The following KIF27 variants were observed in gnomAD, a reference collection of about 807,000 sequenced individuals.
The protein encoded by KIF27 is kinesin family member 27.
A neutral mutation model predicts 141.8 loss-of-function variants in KIF27; 84 were observed. The observed-to-expected ratio is 0.59, with a 90% confidence interval of 0.50 to 0.71. KIF27 has a LOEUF of 0.71. KIF27 is among the 30% of genes least tolerant of loss of function. The pLI is 0.00. For missense variants in KIF27, 1,306 were observed against 1,628.4 expected, an observed-to-expected ratio of 0.80 and a Z score of 3.41; for synonymous variants, 471 against 569.5, an observed-to-expected ratio of 0.83 and a Z score of 2.46.
At chr9:83,842,182 A>C (rs991965077) in intron 17 of KIF27, 55 bp downstream of exon 17, 6 of 1,451,720 alleles carry the variant, frequency 4.1e-6, no homozygotes, top group Non-Finnish European at 4.5e-6. Context: ...AGCTGGCATG[A>C]CTTCACCAAA....
Position 83,884,007 on chromosome 9 carries a change from T to C in KIF27, c.2251A>G (p.Lys751Glu), listed in dbSNP as rs1588155591. ...AAAGAATACTGCTTGCTTACAGACT[T>C]GGCATCATTACCTTAACCGTAATAA... ...KELIKTGNDA[K>E]SVSKQYSLKV... Residue 751 changes from lysine (K) to glutamate (E), a missense_variant, in exon 10 of 18, where the codon AAG (lysine) becomes GAG (glutamate). Around this residue, in one of 4 missense-constraint regions of KIF27, gnomAD observed 596 missense variants for 751.6 expected, o/e 0.79. Transcript: ENST00000297814. The C allele has an allele frequency of 6.2e-7, 1 of 1,605,396 alleles. No homozygotes were observed. Among genetic ancestry groups the C allele is most frequent in the Non-Finnish European group, 8.5e-7 (1 of 1,174,156 alleles).
At chr9:83,868,818 G>A (rs934681408) in intron 12 of KIF27, among the ~76,000 whole-genome samples, 5 of 152,040 alleles carry the variant, frequency 3.3e-5, no homozygotes, top group Non-Finnish European at 5.9e-5. Context: ...ATAGCTATTC[G>A]GTCTTCCAAT....
At chr9:83,899,269 C>T (rs1953597257) in intron 5 of KIF27, among the ~76,000 whole-genome samples, 1 of 152,054 alleles carries the variant, frequency 6.6e-6, no homozygotes, top group African/African-American at 2.4e-5. Flanking sequence ...AGTTAAAAAG[C>T]AAATCACTCA....
In KIF27 at chr9:83,848,329, A is replaced by G. The variant is rs1469492865; in HGVS notation, c.3556+1770T>C. ...TATATGATATATCATATATCTATAT[A>G]TCTATATATATCTATGTATCTATAT... On this transcript the variant is annotated intron_variant, in intron 16 of 17. Coordinates refer to ENST00000297814, the MANE Select transcript of KIF27 (RefSeq NM_017576.4). Among the ~76,000 whole-genome samples, 2 of 93,528 alleles carry G rather than the reference A, an allele frequency of 2.1e-5. 1 individual carries two copies. Among genetic ancestry groups the G allele is most frequent in the African/African-American group, 9.0e-5 (2 of 22,162 alleles). 61.4% of individuals were successfully genotyped at this position (93,528 alleles called of 152,430 possible). A position where few individuals can be genotyped will look rare whatever the true frequency, so the allele number is the denominator to read the frequency against.
At chr9:83,904,874 G>C (rs1050273143) in intron 3 of KIF27, among the ~76,000 whole-genome samples, 1 of 151,336 alleles carries the variant, frequency 6.6e-6, no homozygotes, top group African/African-American at 2.4e-5. Flanking sequence ...AATAAAGTTG[G>C]TTATTCATTT....
chr9:83,883,792 C>T, intron 10 of KIF27, 21 bp downstream of exon 10: 3 of 1,552,536 alleles, frequency 1.9e-6, no homozygotes, highest in Non-Finnish European at 2.7e-6. Flanking sequence ...TAAGTTTTCT[C>T]AATTACATTT....
chr9:83,839,126 G>A (rs1480831480), intron 17 of KIF27, among the ~76,000 whole-genome samples: 5 of 151,916 alleles, frequency 3.3e-5, no homozygotes, highest in East Asian at 1.9e-4. Context: ...TACCACTACC[G>A]GTAGCTCCAG....
Position 83,903,716 on chromosome 9 carries a change from T to C in KIF27, c.802A>G (p.Asn268Asp), listed in dbSNP as rs376710039. Reference sequence around the variant, plus strand: ...TTTCCTAAAGCCAGCAATCCACTATTGATTTGAATGGATTCTTTGAACCGT... The same window carrying C: ...TTTCCTAAAGCCAGCAATCCACTATCGATTTGAATGGATTCTTTGAACCGT... Reference protein sequence around the residue: ...GERFKESIQINSGLLALGNVI... With the variant: ...GERFKESIQIDSGLLALGNVI... Residue 268 changes from asparagine to aspartate, a missense_variant, in exon 4 of 18, where the codon AAT becomes GAT. Physicochemically the swap from Asn to Asp is conservative, Grantham distance 23 (BLOSUM62 1). This residue lies in a region of KIF27 where 533 missense variants were observed against 565.6 expected (regional missense o/e 0.94). Coordinates refer to ENST00000297814, the MANE Select transcript of KIF27 (RefSeq NM_017576.4). 6.2e-7 allele frequency: 1 copy of C among 1,614,020 alleles called. No homozygotes were observed. Among genetic ancestry groups the C allele is most frequent in the African/African-American group, 1.3e-5 (1 of 74,908 alleles).
chr9:83,888,961 CAA>C, intron 7 of KIF27, 121 bp downstream of exon 7: 2 of 1,206,902 alleles, frequency 1.7e-6, no homozygotes, highest in Non-Finnish European at 2.2e-6. Context: ...GTACTTTTAG[CAA>C]AAGTTACCTA....
chr9:83,892,364 C>T (rs1414665565), intron 5 of KIF27, among the ~76,000 whole-genome samples: 2 of 151,786 alleles, frequency 1.3e-5, no homozygotes, highest in African/African-American at 4.8e-5. Context: ...TCTTACATTG[C>T]CTGGGAAAAG....
At chr9:83,906,115 C>T (rs1358114768) in intron 3 of KIF27, among the ~76,000 whole-genome samples, 1 of 152,076 alleles carries the variant, frequency 6.6e-6, no homozygotes, top group African/African-American at 2.4e-5. Flanking sequence ...AAGATGAAAA[C>T]ATTCAATAAT....
rs1216871377 is a variant in KIF27, at chr9:83,888,224, G to A, written c.2083+265C>T. Among the ~76,000 whole-genome samples, 3 of 149,008 alleles carry A rather than the reference G, an allele frequency of 2.0e-5. No homozygotes were observed. The Admixed American group carries it at 2.0e-4, about 10-fold the overall frequency. On this transcript the variant is annotated intron_variant, in intron 8 of 17. Transcript: ENST00000297814. ...CAGGAATACAAAGCATATCAATTCA[G>A]GTCTGAATATAAAAATCCTTATTCT...
chr9:83,905,120 T>G (rs1954368737), intron 3 of KIF27, among the ~76,000 whole-genome samples: 2 of 151,748 alleles, frequency 1.3e-5, no homozygotes, highest in Admixed American at 1.3e-4. Flanking sequence ...CAAAAATATT[T>G]CTTTTTTTTT....
intron 3 of KIF27, 80 bp downstream of exon 3, chr9:83,908,372 A>G: frequency 1.4e-6 from 1 of 727,384 alleles, no homozygotes; most frequent in Non-Finnish European, 2.2e-6. Flanking sequence ...GATTCCTTGG[A>G]ATATATCCAG....
At chr9:83,889,982 T>C (rs529087602) in intron 6 of KIF27, among the ~76,000 whole-genome samples, 3 of 152,326 alleles carry the variant, frequency 2.0e-5, no homozygotes, top group Admixed American at 6.5e-5. Context: ...CTGGTTTCTA[T>C]TACAAAATAT....
chr9:83,885,853 G>A (rs1162061469), intron 9 of KIF27, among the ~76,000 whole-genome samples: 2 of 151,870 alleles, frequency 1.3e-5, no homozygotes, highest in African/African-American at 4.8e-5. Context: ...ATAAAATATA[G>A]TATAGATGTC....
chr9:83,865,313 T>C (rs1445694047), intron 13 of KIF27, among the ~76,000 whole-genome samples: 2 of 152,170 alleles, frequency 1.3e-5, no homozygotes, highest in Admixed American at 6.6e-5. Flanking sequence ...ACCCTTTTTT[T>C]TGAGATGGAG....
At position 83,859,208 on chromosome 9, in the gene KIF27, C is replaced by T. The variant is rs144855861; in HGVS notation, c.3098G>A (p.Arg1033His). Residue 1033 changes from arginine to histidine, a missense_variant, in exon 14 of 18, where the codon CGC (arginine) becomes CAC (histidine). This residue lies in a region of KIF27 where 596 missense variants were observed against 751.6 expected (regional missense o/e 0.79). Transcript: ENST00000297814. ...AAGTTTTTCATCCACATTGTGTCTG[C>T]GTTTCTGGAGCTGATCCTTTTCTTT... ...LQKEKDQLQK[R>H]RHNVDEKLKN... The T allele has an allele frequency of 7.4e-5, 119 of 1,614,006 alleles. 1 individual carries two copies. Among genetic ancestry groups the T allele is most frequent in the Middle Eastern group, 4.9e-4 (3 of 6,084 alleles).
chr9:83,885,922 C>A lies in KIF27; in HGVS notation c.2239+1119G>T, dbSNP rs1474738214. Among the ~76,000 whole-genome samples, 17 of 149,160 alleles carry A rather than the reference C, an allele frequency of 1.1e-4. 1 individual carries two copies. The highest frequency in any genetic ancestry group is 6.9e-3 in the Middle Eastern group (2 of 288). On this transcript the variant is annotated intron_variant, in intron 9 of 17. Coordinates refer to ENST00000297814, the MANE Select transcript of KIF27 (RefSeq NM_017576.4). ...TCAAGAAAAGTCTTCAGTGAGAGAG[C>A]ATTAAGGGCATTAAGTTTTTTGTGT...
Sources: gnomAD v4.1 joint callset for allele counts (sites outside exome capture counted in the v4.1 genomes callset) on GRCh38, gnomAD v4.1.1 for gene constraint, gnomAD v4.1.1 regional missense constraint, MANE v1.5 for transcripts, NCBI Gene and HGNC (gene_info 2026-07-23, HGNC 2026-07-21) for gene names.